Variants in CNTNAP2 observed in about 807,000 individuals in gnomAD.
The protein encoded by CNTNAP2 is contactin associated protein 2, also known as contactin-associated protein-like 2.
A neutral mutation model predicts 155.2 loss-of-function variants in CNTNAP2; 98 were observed. The ratio of observed to expected loss-of-function variants is 0.63; its 90% CI spans 0.54 to 0.75. The LOEUF is 0.75. Ranked by LOEUF, CNTNAP2 falls within the 30% of genes least tolerant of loss-of-function variation. CNTNAP2 has a pLI of 0.00. For synonymous variants in CNTNAP2, 651 were observed against 631.2 expected, an observed-to-expected ratio of 1.03 and a Z score of -0.47; for missense variants, 1,727 against 1,688.1, an observed-to-expected ratio of 1.02 and a Z score of -0.40.
intron 1 of CNTNAP2, among the ~76,000 whole-genome samples, chr7:146,292,231 T>C (rs1035717337): frequency 1.3e-5 from 2 of 152,160 alleles, no homozygotes; most frequent in Non-Finnish European, 2.9e-5. Flanking sequence ...TGTGCATGTG[T>C]TCTCACTGTT....
intron 5 of CNTNAP2, among the ~76,000 whole-genome samples, chr7:147,109,095 G>A (rs991978731): frequency 3.9e-5 from 6 of 152,154 alleles, no homozygotes; most frequent in African/African-American, 1.4e-4. Flanking sequence ...TAAACTGTAT[G>A]GCTTTATCAT....
chr7:147,872,585 G>A lies in CNTNAP2; in HGVS notation c.2099-30980G>A, dbSNP rs559532780. Among the ~76,000 whole-genome samples the A allele has an allele frequency of 5.9e-5, 9 of 152,082 alleles. No homozygotes were observed. The South Asian group carries it at 1.0e-3, about 18-fold the overall frequency. On this transcript the variant is annotated intron_variant, in intron 13 of 23. Coordinates refer to ENST00000361727, the MANE Select transcript of CNTNAP2 (RefSeq NM_014141.6). ...TTCCTGGAAGGATTTTTGGTGTTTT[G>A]GCCGTAACTTTCTAGTTCAAATTGC...
At chr7:146,272,966 G>A (rs1317451233) in intron 1 of CNTNAP2, among the ~76,000 whole-genome samples, 19 of 152,114 alleles carry the variant, frequency 1.2e-4, no homozygotes, top group East Asian at 1.9e-4. Context: ...ACCAAGAAGC[G>A]AGAGGTATAG....
chr7:147,607,048 T>C (rs1801082275), intron 12 of CNTNAP2, among the ~76,000 whole-genome samples: 2 of 152,328 alleles, frequency 1.3e-5, no homozygotes, highest in South Asian at 2.1e-4. Flanking sequence ...CAAGGTTTTC[T>C]TTCTCCAAAA....
At chr7:146,926,460 T>A (rs534326639) in intron 3 of CNTNAP2, among the ~76,000 whole-genome samples, 1 of 152,270 alleles carries the variant, frequency 6.6e-6, no homozygotes, top group Admixed American at 6.5e-5. Flanking sequence ...TGAATTAGAC[T>A]GTGAGTTTCC....
At chr7:146,868,982 G>T (rs759261154) in intron 3 of CNTNAP2, among the ~76,000 whole-genome samples, 2 of 152,104 alleles carry the variant, frequency 1.3e-5, no homozygotes, top group Non-Finnish European at 2.9e-5. Context: ...TTGACTTCTT[G>T]TCTTCCTATT....
At chr7:146,633,621 T>C (rs951711622) in intron 1 of CNTNAP2, among the ~76,000 whole-genome samples, 8 of 151,722 alleles carry the variant, frequency 5.3e-5, no homozygotes, top group Non-Finnish European at 1.2e-4. Flanking sequence ...TATAAAATAT[T>C]GAGTTAAAAA....
chr7:147,709,598 A>G (rs906549738), intron 13 of CNTNAP2, among the ~76,000 whole-genome samples: 29 of 152,320 alleles, frequency 1.9e-4, no homozygotes, highest in Non-Finnish European at 3.5e-4. Context: ...CTAACTTTCT[A>G]GTAGTCCTCT....
intron 13 of CNTNAP2, among the ~76,000 whole-genome samples, chr7:147,899,558 A>T (rs1444686035): frequency 6.6e-6 from 1 of 152,192 alleles, no homozygotes; most frequent in African/African-American, 2.4e-5. Flanking sequence ...CATTAAGTGC[A>T]TTCTCATATG....
intron 13 of CNTNAP2, among the ~76,000 whole-genome samples, chr7:147,893,222 A>AT (rs1479255696): frequency 6.6e-6 from 1 of 152,214 alleles, no homozygotes; most frequent in Admixed American, 6.5e-5. Context: ...CCAATACATG[A>AT]TTTTTTATTT....
intron 1 of CNTNAP2, among the ~76,000 whole-genome samples, chr7:146,616,929 TGTTTA>T (rs556750528): frequency 8.1e-4 from 124 of 152,312 alleles, no homozygotes; most frequent in Admixed American, 1.8e-3. Flanking sequence ...CTGTAAAATG[TGTTTA>T]GTTATTGTGA....
chr7:146,703,270 C>T (rs1004277094), intron 1 of CNTNAP2, among the ~76,000 whole-genome samples: 4 of 152,030 alleles, frequency 2.6e-5, no homozygotes, highest in African/African-American at 4.8e-5. Context: ...CTACAATAGC[C>T]ATTTCTCTGG....
Position 146,621,749 on chromosome 7 carries a change from A to G in CNTNAP2, c.98-152522A>G, listed in dbSNP as rs1419419760. Among the ~76,000 whole-genome samples the G allele has an allele frequency of 5.9e-5, 9 of 152,168 alleles. No individual in the cohort carries two copies. The East Asian group carries it at 1.7e-3, about 29-fold the overall frequency. The stretch of plus-strand genomic sequence containing the variant: ...AGGATTTGTTAGTTTTCTCTACTGC[A>G]GTGCAGACTCTTTCCATACTGTAGT... On this transcript the variant is annotated intron_variant, in intron 1 of 23. Transcript: ENST00000361727.
chr7:146,803,173 A>G (rs1802910520), intron 2 of CNTNAP2, among the ~76,000 whole-genome samples: 1 of 152,190 alleles, frequency 6.6e-6, no homozygotes, highest in Admixed American at 6.5e-5. Context: ...TGCACGTCTA[A>G]AACACCTAAA....
intron 11 of CNTNAP2, 137 bp downstream of exon 11, chr7:147,486,178 C>A: frequency 5.2e-6 from 3 of 581,842 alleles, no homozygotes; most frequent in Admixed American, 3.9e-5. Context: ...TTCCAATTGT[C>A]ATTTCTCCAA....
At chr7:147,039,681 T>C (rs1799222735) in intron 3 of CNTNAP2, among the ~76,000 whole-genome samples, 1 of 152,052 alleles carries the variant, frequency 6.6e-6, no homozygotes. Context: ...TTCCTCTGAG[T>C]ATATTCCCCA....
At chr7:148,007,016 G>A (rs1014054760) in intron 15 of CNTNAP2, among the ~76,000 whole-genome samples, 2 of 152,154 alleles carry the variant, frequency 1.3e-5, no homozygotes, top group African/African-American at 4.8e-5. Flanking sequence ...AAATACAAGG[G>A]TCATTTCAGA....
intron 1 of CNTNAP2, among the ~76,000 whole-genome samples, chr7:146,506,788 T>A (rs140731128): frequency 1.4e-3 from 218 of 152,332 alleles, no homozygotes; most frequent in African/African-American, 5.0e-3. Context: ...ACCTATTGAC[T>A]ACTTTGTCCA....
intron 15 of CNTNAP2, among the ~76,000 whole-genome samples, chr7:148,070,608 C>T (rs2116528837): frequency 6.6e-6 from 1 of 152,218 alleles, no homozygotes; most frequent in Middle Eastern, 3.4e-3. Context: ...GTCCCAGCTA[C>T]TTGGGAGGCT....
Sources: gnomAD v4.1 joint callset for allele counts (sites outside exome capture counted in the v4.1 genomes callset) on GRCh38, gnomAD v4.1.1 for gene constraint, MANE v1.5 for transcripts, NCBI Gene and HGNC (gene_info 2026-07-23, HGNC 2026-07-21) for gene names.